The following TGM3 variants were observed in gnomAD, a reference collection of about 807,000 sequenced individuals.
TGM3 encodes transglutaminase 3.
TGM3 carries 52 observed loss-of-function variants against 73.8 expected under a neutral mutation model. The ratio of observed to expected loss-of-function variants is 0.70; its 90% CI spans 0.56 to 0.89. TGM3 has a LOEUF of 0.89. Ranked by LOEUF, TGM3 falls within the 40% of genes least tolerant of loss-of-function variation. The pLI is 0.00. For missense variants in TGM3, 928 were observed against 909.9 expected, an observed-to-expected ratio of 1.02 and a Z score of -0.26; for synonymous variants, 372 against 354.9, an observed-to-expected ratio of 1.05 and a Z score of -0.54.
At position 2,325,868 on chromosome 20, in the gene TGM3, G is replaced by A; in HGVS notation, c.1003G>A (p.Glu335Lys). ...CTGCAGGAATTTCCATGTCTGGAATGAAGGCTGGTTTGTGAGGTCTGACCT... is the reference window on the plus strand; with the variant it reads ...CTGCAGGAATTTCCATGTCTGGAATAAAGGCTGGTTTGTGAGGTCTGACCT... ...DSVWNFHVWN[E>K]GWFVRSDLGP... The change falls in exon 8 of 13, where the codon GAA becomes AAA. Residue 335 changes from glutamate to lysine, a missense_variant. By Grantham distance (56) the Glu-to-Lys change is moderately conservative. Transcript: ENST00000381458. 1.3e-6 allele frequency: 2 copies of A among 1,571,248 alleles called. No homozygotes were observed.
intron 5 of TGM3, among the ~76,000 whole-genome samples, chr20:2,315,855 C>T (rs753810827): frequency 5.3e-5 from 8 of 152,230 alleles, no homozygotes; most frequent in African/African-American, 9.6e-5. Flanking sequence ...CTTGTAACCT[C>T]AGTGTCTCCT....
chr20:2,303,025 C>T (rs891710738), intron 1 of TGM3, among the ~76,000 whole-genome samples: 16 of 152,248 alleles, frequency 1.1e-4, no homozygotes, highest in Admixed American at 6.5e-4. Flanking sequence ...TAGGGCCGAG[C>T]GAGGTGGCTC....
At position 2,311,010 on chromosome 20, in the gene TGM3, G is replaced by T. The variant is rs759873308; in HGVS notation, c.422-1G>T. On this transcript the variant is annotated splice_acceptor_variant, in intron 3 of 12. Transcript: ENST00000381458. LOFTEE classifies it high-confidence loss of function. ...TGGTGTCTGCTTTTTGTATCAAATAGTGGATAGCGTCTTTATGGGTAACCA... is the reference window on the plus strand; with the variant it reads ...TGGTGTCTGCTTTTTGTATCAAATATTGGATAGCGTCTTTATGGGTAACCA... 1 of 1,612,770 alleles carries T rather than the reference G, an allele frequency of 6.2e-7. No individual in the cohort carries two copies. Among genetic ancestry groups the T allele is most frequent in the South Asian group, 1.1e-5 (1 of 91,058 alleles).
intron 5 of TGM3, among the ~76,000 whole-genome samples, chr20:2,315,341 G>A (rs553299862): frequency 1.3e-5 from 2 of 152,348 alleles, no homozygotes; most frequent in East Asian, 1.9e-4. Flanking sequence ...AGAGATGACC[G>A]TGCTGATAGC....
chr20:2,318,911 A>G (rs1454165454), intron 7 of TGM3, among the ~76,000 whole-genome samples: 2 of 152,226 alleles, frequency 1.3e-5, no homozygotes. Context: ...CGAGTTGAGT[A>G]ATAAAAGCAT....
chr20:2,338,077 C>G (rs214827), intron 11 of TGM3, among the ~76,000 whole-genome samples: 106,460 of 152,042 alleles, frequency 0.7, 38,234 homozygotes, highest in East Asian at 0.86. Context: ...AGCAGGGCAC[C>G]GATTTTTAAA....
chr20:2,306,214 G>A (rs1433579250), intron 1 of TGM3, among the ~76,000 whole-genome samples: 1 of 152,124 alleles, frequency 6.6e-6, no homozygotes, highest in Non-Finnish European at 1.5e-5. Flanking sequence ...TGAGTACCCC[G>A]CCCCTCTTTC....
At position 2,317,202 on chromosome 20, in the gene TGM3, C is replaced by G; in HGVS notation, c.804C>G (p.Val268=). 6.2e-7 allele frequency: 1 copy of G among 1,614,152 alleles called. No homozygotes were observed. Among genetic ancestry groups the G allele is most frequent in the Non-Finnish European group, 8.5e-7 (1 of 1,180,034 alleles). ...KNWKKSGFSP[V]RYGQCWVFAG... is the part of the protein sequence containing the mutation. ...GGAAAAAATCTGGCTTCAGCCCAGT[C>G]CGATATGGCCAGTGCTGGGTCTTTG... The change falls in exon 6 of 13, where the codon GTC becomes GTG. Residue 268 remains valine (V), a synonymous_variant. Coordinates refer to ENST00000381458, the MANE Select transcript of TGM3 (RefSeq NM_003245.4).
intron 11 of TGM3, among the ~76,000 whole-genome samples, chr20:2,338,326 T>C (rs2084362539): frequency 1.3e-5 from 2 of 151,796 alleles, no homozygotes; most frequent in Middle Eastern, 3.2e-3. Context: ...GTTGGGTCAA[T>C]AGGAGAGAGT....
In TGM3 at chr20:2,304,005, G is replaced by A. The variant is rs558433983; in HGVS notation, c.8-5652G>A. ...ATGTCTTTTAAGTGTGTACGTTGAT[G>A]AGTCAGTTATAAGAATCATGCGACT... On this transcript the variant is annotated intron_variant, in intron 1 of 12. Transcript: ENST00000381458. 4.5e-4 allele frequency among the ~76,000 whole-genome samples: 68 copies of A among 152,190 alleles called. 1 individual carries two copies. The highest frequency in any genetic ancestry group is 7.6e-4 in the Non-Finnish European group (52 of 68,030).
At chr20:2,339,733 C>T in intron 11 of TGM3, 121 bp from the exon 12 acceptor site, 1 of 1,382,622 alleles carries the variant, frequency 7.2e-7, no homozygotes, top group Non-Finnish European at 9.9e-7. Flanking sequence ...TAAATGGTCT[C>T]CCCTTCTTCA....
In TGM3 at chr20:2,340,446, AG is replaced by A; in HGVS notation, c.1950del (p.Lys652ArgfsTer40). ...CCCTCCCCATCAGCGTGCCGACCCT[AG>A]GGCCCAAGGAGGGGTCCCGGGTCCG... is the stretch of plus-strand genomic sequence containing the variant. The part of the protein sequence containing the change: ...GNLKIDVPTL[G>X]PKEGSRVRFD... On this transcript the variant is annotated frameshift_variant, in exon 13 of 13. Transcript: ENST00000381458. LOFTEE classifies it high-confidence loss of function. 2 of 1,613,956 alleles carry A rather than the reference AG, an allele frequency of 1.2e-6. No homozygotes were observed. The highest frequency in any genetic ancestry group is 1.7e-6 in the Non-Finnish European group (2 of 1,179,936).
At chr20:2,330,117 C>G (rs565295197) in intron 9 of TGM3, among the ~76,000 whole-genome samples, 1 of 152,140 alleles carries the variant, frequency 6.6e-6, no homozygotes, top group South Asian at 2.1e-4. Context: ...GACAGATCAC[C>G]CTGCCTGATG....
intron 9 of TGM3, among the ~76,000 whole-genome samples, chr20:2,331,388 G>C (rs2084320125): frequency 6.6e-6 from 1 of 152,102 alleles, no homozygotes; most frequent in Non-Finnish European, 1.5e-5. Context: ...TTTTTATCCA[G>C]TCTTTGCAGT....
intron 4 of TGM3, 68 bp downstream of exon 4, chr20:2,311,197 C>A: frequency 2.3e-6 from 3 of 1,296,130 alleles, no homozygotes; most frequent in Admixed American, 1.7e-5. Flanking sequence ...GCTTGCCCCA[C>A]AGATCAATGG....
At chr20:2,330,063 G>A (rs1464386497) in intron 9 of TGM3, among the ~76,000 whole-genome samples, 1 of 152,140 alleles carries the variant, frequency 6.6e-6, no homozygotes, top group South Asian at 2.1e-4. Context: ...GGGGGAGGGG[G>A]TCCCTGAAGG....
intron 4 of TGM3, among the ~76,000 whole-genome samples, chr20:2,311,993 A>G (rs1395049497): frequency 2.0e-5 from 3 of 152,226 alleles, no homozygotes; most frequent in Non-Finnish European, 4.4e-5. Context: ...TCAGTTTGAG[A>G]AGCAATGACT....
At chr20:2,331,026 AAG>A (rs1303856197) in intron 9 of TGM3, among the ~76,000 whole-genome samples, 68 of 148,318 alleles carry the variant, frequency 4.6e-4, no homozygotes, top group African/African-American at 1.7e-3. Context: ...AAAAAAAAAA[AAG>A]AGAGAGAAAA....
intron 11 of TGM3, 26 bp from the exon 12 acceptor site, chr20:2,339,828 G>T: frequency 6.2e-7 from 1 of 1,613,358 alleles, no homozygotes; most frequent in South Asian, 1.1e-5. Flanking sequence ...CTGGAGTCCT[G>T]ACTCGGCAGC....
Sources: allele counts gnomAD v4.1 joint callset (sites outside exome capture counted in the v4.1 genomes callset), GRCh38; gene constraint gnomAD v4.1.1; transcripts MANE v1.5; gene names NCBI Gene and HGNC (gene_info 2026-07-23, HGNC 2026-07-21).